Variants in HS6ST2 observed in about 807,000 individuals in gnomAD.
HS6ST2 encodes the protein heparan sulfate 6-O-sulfotransferase 2, also known as heparan-sulfate 6-O-sulfotransferase 2.
A neutral mutation model predicts 33.0 loss-of-function variants in HS6ST2; 17 were observed. The ratio of observed to expected loss-of-function variants is 0.52; its 90% CI spans 0.35 to 0.77. HS6ST2 has a LOEUF of 0.77. Ranked by LOEUF, HS6ST2 falls within the 30% of genes least tolerant of loss-of-function variation. The pLI is 0.01. For missense variants in HS6ST2, 519 were observed against 551.7 expected (o/e 0.94, Z 0.59); for synonymous variants, 248 against 237.1 (o/e 1.05, Z -0.42).
At position 132,941,666 on chromosome X, in the gene HS6ST2, C is replaced by T. The variant is rs1320106435; in HGVS notation, c.947+15142G>A. Among the ~76,000 whole-genome samples the T allele has an allele frequency of 2.7e-5, 3 of 112,008 alleles. No homozygotes were observed. In the East Asian group the frequency reaches 8.4e-4, roughly 31 times the overall value. On this transcript the variant is annotated intron_variant, in intron 2 of 4. Coordinates refer to ENST00000370833, the MANE Select transcript of HS6ST2 (RefSeq NM_001394073.1). ...ATCACTTGCTTAATTATTTTGTGTG[C>T]GCATGTGTATATCTTTATAACTTCA... is the stretch of plus-strand genomic sequence containing the variant.
intron 2 of HS6ST2, among the ~76,000 whole-genome samples, chrX:132,883,163 C>T (rs958807666): frequency 1.4e-4 from 16 of 111,289 alleles, no homozygotes; most frequent in African/African-American, 4.9e-4. Context: ...AGGGAGGATT[C>T]CCTCTTTTTC....
At chrX:132,833,122 C>T (rs754317548) in intron 2 of HS6ST2, among the ~76,000 whole-genome samples, 201 of 111,614 alleles carry the variant, frequency 1.8e-3, no homozygotes, top group South Asian at 1.9e-3. Context: ...ACATTAATTA[C>T]CATGTTTTCA....
chrX:132,777,395 A>G (rs909012617), intron 2 of HS6ST2, among the ~76,000 whole-genome samples: 10 of 103,849 alleles, frequency 9.6e-5, no homozygotes, highest in African/African-American at 3.6e-4. Flanking sequence ...GCTTTCTTCT[A>G]CTTTTAATGA....
Position 132,647,099 on chromosome X carries a change from G to A in HS6ST2, c.1068-18006C>T, listed in dbSNP as rs2063651414. On this transcript the variant is annotated intron_variant, in intron 4 of 4. Coordinates refer to ENST00000370833, the MANE Select transcript of HS6ST2 (RefSeq NM_001394073.1). The stretch of plus-strand genomic sequence containing the variant: ...CAAACCATATCAGACTGCCCATATG[G>A]ACAGGACTGAGATCACAGAAGTGAG... 3.6e-5 allele frequency among the ~76,000 whole-genome samples: 4 copies of A among 111,286 alleles called. No individual in the cohort carries two copies. In the South Asian group the frequency reaches 1.5e-3, roughly 43 times the overall value.
chrX:132,957,461 GGCGGCGGCT>G (rs1318117840), intron 1 of HS6ST2, 135 bp from the exon 2 acceptor site: 22 of 724,326 alleles, frequency 3.0e-5, no homozygotes, highest in Non-Finnish European at 3.7e-5. Flanking sequence ...ACTCCACGGC[GGCGGCGGCT>G]GCGGCGGCGG....
At chrX:132,877,171 G>A (rs1432218233) in intron 2 of HS6ST2, among the ~76,000 whole-genome samples, 1 of 111,905 alleles carries the variant, frequency 8.9e-6, no homozygotes, top group African/African-American at 3.3e-5. Flanking sequence ...AGTCCCGAGA[G>A]GGGAATTCAT....
chrX:132,710,984 A>C (rs1418048113), intron 2 of HS6ST2, among the ~76,000 whole-genome samples: 1 of 111,742 alleles, frequency 8.9e-6, no homozygotes, highest in African/African-American at 3.3e-5. Context: ...AAGCAGCAGC[A>C]CTGGAAGGAC....
At chrX:132,807,651 A>G (rs1201415029) in intron 2 of HS6ST2, among the ~76,000 whole-genome samples, 1 of 112,213 alleles carries the variant, frequency 8.9e-6, no homozygotes, top group African/African-American at 3.2e-5. Flanking sequence ...AAGACATAGA[A>G]GGATTCAGGA....
At chrX:132,881,282 G>A (rs2066169780) in intron 2 of HS6ST2, among the ~76,000 whole-genome samples, 1 of 110,080 alleles carries the variant, frequency 9.1e-6, no homozygotes, top group Admixed American at 9.6e-5. Flanking sequence ...ATCCTCTCCA[G>A]CACCTGTTGT....
chrX:132,873,072 AAAG>A (rs1261103217), intron 2 of HS6ST2, among the ~76,000 whole-genome samples: 4 of 111,395 alleles, frequency 3.6e-5, no homozygotes, highest in Non-Finnish European at 5.6e-5. Context: ...CAAAAATCAT[AAAG>A]AAGAGGAAAA....
chrX:132,847,191 G>C (rs1341132583), intron 2 of HS6ST2, among the ~76,000 whole-genome samples: 2 of 111,282 alleles, frequency 1.8e-5, no homozygotes, highest in Non-Finnish European at 3.8e-5. Context: ...ACAGTACAGA[G>C]AAAAAATTTG....
intron 2 of HS6ST2, among the ~76,000 whole-genome samples, chrX:132,953,736 T>C (rs2067039567): frequency 1.8e-5 from 2 of 112,434 alleles, no homozygotes; most frequent in African/African-American, 6.5e-5. Context: ...GCCTTAGGGA[T>C]GTAGAAATCC....
At chrX:132,737,437 T>C (rs2064520055) in intron 2 of HS6ST2, among the ~76,000 whole-genome samples, 1 of 110,969 alleles carries the variant, frequency 9.0e-6, no homozygotes, top group African/African-American at 3.3e-5. Flanking sequence ...AGCAGCTGGA[T>C]GGAAGCAGAC....
At chrX:132,794,395 T>C (rs2065151835) in intron 2 of HS6ST2, among the ~76,000 whole-genome samples, 1 of 110,793 alleles carries the variant, frequency 9.0e-6, no homozygotes, top group Non-Finnish European at 1.9e-5. Flanking sequence ...TGTCTCCTTA[T>C]TTATTTATTT....
intron 3 of HS6ST2, among the ~76,000 whole-genome samples, chrX:132,696,657 T>G (rs951907277): frequency 1.7e-4 from 19 of 112,269 alleles, no homozygotes; most frequent in Admixed American, 6.6e-4. Context: ...ACTGTTTCAC[T>G]ACTTTCTTAC....
At chrX:132,643,399 A>G (rs184861874) in intron 4 of HS6ST2, among the ~76,000 whole-genome samples, 1 of 111,697 alleles carries the variant, frequency 9.0e-6, no homozygotes, top group African/African-American at 3.3e-5. Context: ...GCCATGTCCC[A>G]TGTGTGGAAA....
chrX:132,927,981 G>A (rs752166714), intron 2 of HS6ST2, among the ~76,000 whole-genome samples: 1 of 111,644 alleles, frequency 9.0e-6, no homozygotes, highest in Non-Finnish European at 1.9e-5. Flanking sequence ...ACAAGAAACA[G>A]AGTGTTAGCA....
At chrX:132,820,431 G>T (rs2065440922) in intron 2 of HS6ST2, among the ~76,000 whole-genome samples, 2 of 111,575 alleles carry the variant, frequency 1.8e-5, no homozygotes, top group Non-Finnish European at 3.8e-5. Context: ...GCAGCCAGAG[G>T]ACTGATAATG....
Position 132,785,996 on chromosome X carries a change from A to G in HS6ST2, c.948-77502T>C, listed in dbSNP as rs193160939. ...CCCAAGGTCTACAGCACCACTAATGAGCTGTGTGACCCCATAGGCAAGTCA... is the reference window on the plus strand; with the variant it reads ...CCCAAGGTCTACAGCACCACTAATGGGCTGTGTGACCCCATAGGCAAGTCA... On this transcript the variant is annotated intron_variant, in intron 2 of 4. Coordinates refer to ENST00000370833, the MANE Select transcript of HS6ST2 (RefSeq NM_001394073.1). Among the ~76,000 whole-genome samples, 4 of 111,272 alleles carry G rather than the reference A, an allele frequency of 3.6e-5. No homozygotes were observed. The East Asian group carries it at 1.1e-3, about 32-fold the overall frequency.
Sources: allele counts gnomAD v4.1 joint callset (sites outside exome capture counted in the v4.1 genomes callset), GRCh38; gene constraint gnomAD v4.1.1; transcripts MANE v1.5; gene names NCBI Gene and HGNC (gene_info 2026-07-23, HGNC 2026-07-21).